Variants in PTPMT1 observed in about 807,000 individuals in gnomAD.
PTPMT1 encodes protein tyrosine phosphatase mitochondrial 1.
PTPMT1 carries 12 observed loss-of-function variants against 17.8 expected under a neutral mutation model. That is an observed-to-expected ratio of 0.67 (90% CI 0.43 to 1.09). The LOEUF (loss-of-function observed/expected upper bound fraction) is 1.09. PTPMT1 is among the 50% of genes least tolerant of loss of function. The pLI is 0.00. For synonymous variants in PTPMT1, 132 were observed against 116.8 expected (o/e 1.13, Z -0.84); for missense variants, 262 against 266.0 (o/e 0.99, Z 0.10).
Position 47,565,948 on chromosome 11 carries a change from G to A in PTPMT1, c.217G>A (p.Glu73Lys), listed in dbSNP as rs1483358313. 8.7e-6 allele frequency: 14 copies of A among 1,607,196 alleles called. No individual in the cohort carries two copies. The highest frequency in any genetic ancestry group is 4.0e-5 in the African/African-American group (3 of 74,536). ...CGTGCGCGGGGTGATCACCATGAACGAGGAGTACGAGACGAGGTTCCTGTG... is the reference window on the plus strand; with the variant it reads ...CGTGCGCGGGGTGATCACCATGAACAAGGAGTACGAGACGAGGTTCCTGTG... ...ENVRGVITMN[E>K]EYETRFLCNS... The change falls in exon 2 of 4, where the codon GAG (glutamate) becomes AAG (lysine). Residue 73 changes from glutamate (E) to lysine (K), a missense_variant. Transcript: ENST00000326674.
intron 2 of PTPMT1, among the ~76,000 whole-genome samples, chr11:47,568,212 GC>G (rs1203103813): frequency 6.6e-6 from 1 of 152,080 alleles, no homozygotes; most frequent in Non-Finnish European, 1.5e-5. Context: ...GAGCCACCAT[GC>G]CCGGCCCATT....
rs774754371 is a variant in PTPMT1, at chr11:47,569,753, T to G, written c.309T>G (p.Thr103=). The G allele has an allele frequency of 1.2e-6, 2 of 1,614,070 alleles. No individual in the cohort carries two copies. The highest frequency in any genetic ancestry group is 4.5e-5 in the East Asian group (2 of 44,872). The change falls in exon 3 of 4, where the codon ACT becomes ACG. Residue 103 remains threonine, a synonymous_variant. Coordinates refer to ENST00000326674, the MANE Select transcript of PTPMT1 (RefSeq NM_175732.3). ...TGCGGCTCAGCACAGTAGACATGAC[T>G]GGGATCCCCACCTTGGACAACCTCC... ...EQLRLSTVDM[T]GIPTLDNLQK... is the part of the protein sequence containing the mutation.
At chr11:47,570,466 A>T (rs1180522884) in intron 3 of PTPMT1, among the ~76,000 whole-genome samples, 1 of 152,234 alleles carries the variant, frequency 6.6e-6, no homozygotes, top group African/African-American at 2.4e-5. Flanking sequence ...AAGAAATTAC[A>T]TCAAGTGCTG....
intron 2 of PTPMT1, among the ~76,000 whole-genome samples, chr11:47,566,958 C>G (rs1471025356): frequency 1.3e-5 from 2 of 151,936 alleles, no homozygotes; most frequent in Admixed American, 1.3e-4. Context: ...ACAATCTGAG[C>G]TATTTGATTT....
rs1160773857 is a variant in PTPMT1 at position 47,565,944 on chromosome 11, G to A, written c.213G>A (p.Met71Ile). Residue 71 changes from methionine to isoleucine, a missense_variant, in exon 2 of 4, where the codon ATG becomes ATA. Physicochemically the swap from Met to Ile is conservative, Grantham distance 10. Transcript: ENST00000326674. ...QDENVRGVIT[M>I]NEEYETRFLC... ...AGAACGTGCGCGGGGTGATCACCAT[G>A]AACGAGGAGTACGAGACGAGGTTCC... is the stretch of plus-strand genomic sequence containing the variant. 1 of 1,608,666 alleles carries A rather than the reference G, an allele frequency of 6.2e-7. No homozygotes were observed. The highest frequency in any genetic ancestry group is 1.3e-5 in the African/African-American group (1 of 74,600).
At chr11:47,568,221 A>G (rs1206733424) in intron 2 of PTPMT1, among the ~76,000 whole-genome samples, 1 of 151,370 alleles carries the variant, frequency 6.6e-6, no homozygotes, top group African/African-American at 2.4e-5. Flanking sequence ...TGCCCGGCCC[A>G]TTGTTTTAAT....
chr11:47,569,996 C>T (rs2097248677), intron 3 of PTPMT1, 105 bp downstream of exon 3: 1 of 878,216 alleles, frequency 1.1e-6, no homozygotes, highest in Non-Finnish European at 1.8e-6. Flanking sequence ...AGTTTGAGAC[C>T]AGCCTGGGCA....
rs775118622 is a variant in PTPMT1, at chr11:47,572,880, T to C, written c.*1251T>C. 2 of 1,563,298 alleles carry C rather than the reference T, an allele frequency of 1.3e-6. No homozygotes were observed. Among genetic ancestry groups the C allele is most frequent in the East Asian group, 4.5e-5 (2 of 44,438 alleles). On this transcript the variant is annotated 3_prime_UTR_variant, in exon 4 of 4. Coordinates refer to ENST00000326674, the MANE Select transcript of PTPMT1 (RefSeq NM_175732.3). ...ATTGGGGCCCAGGGGACTTTGAGTT[T>C]GTATGGGGAGGGAAAAGGAGTGAGC...
chr11:47,566,376 G>A (rs946180058), intron 2 of PTPMT1, among the ~76,000 whole-genome samples: 2 of 151,894 alleles, frequency 1.3e-5, no homozygotes, highest in African/African-American at 4.8e-5. Flanking sequence ...CCAGCTACTT[G>A]GGAGGCTAAG....
In PTPMT1 at chr11:47,573,185, G is replaced by T; in HGVS notation, c.*1556G>T. 6.2e-7 allele frequency: 1 copy of T among 1,614,172 alleles called. No homozygotes were observed. The highest frequency in any genetic ancestry group is 8.5e-7 in the Non-Finnish European group (1 of 1,180,024). On this transcript the variant is annotated 3_prime_UTR_variant, in exon 4 of 4. Transcript: ENST00000326674. This position sits in a 1 kb window ranked among gnomAD's most constrained non-coding sequence, Gnocchi z 4.1. ...ACACCAGGGAGTCCCCTTCAGCCAC[G>T]ATGAACACCAGATCTTTATGCACAG...
At chr11:47,568,635 T>C (rs935733230) in intron 2 of PTPMT1, among the ~76,000 whole-genome samples, 2 of 152,102 alleles carry the variant, frequency 1.3e-5, no homozygotes, top group Non-Finnish European at 2.9e-5. Context: ...GGAGCCATGA[T>C]TGCATACCAC....
intron 2 of PTPMT1, among the ~76,000 whole-genome samples, chr11:47,568,034 C>G (rs1286323559): frequency 1.3e-5 from 2 of 152,146 alleles, no homozygotes; most frequent in African/African-American, 4.8e-5. Context: ...ATTCTCCTGC[C>G]TCAGCCTCCC....
At chr11:47,568,626 G>A (rs1428811114) in intron 2 of PTPMT1, among the ~76,000 whole-genome samples, 1 of 152,142 alleles carries the variant, frequency 6.6e-6, no homozygotes, top group Non-Finnish European at 1.5e-5. Context: ...AGGCTGCAAG[G>A]AGCCATGATT....
At position 47,573,200 on chromosome 11, in the gene PTPMT1, T is replaced by G. The variant is rs1317986385; in HGVS notation, c.*1571T>G. ...CTTCAGCCACGATGAACACCAGATC[T>G]TTATGCACAGCTGCGTGCATGCGGC... On this transcript the variant is annotated 3_prime_UTR_variant, in exon 4 of 4. Transcript: ENST00000326674. The surrounding 1 kb of genome is among the most constrained non-coding windows in gnomAD (Gnocchi z 4.1). 1 of 1,614,054 alleles carries G rather than the reference T, an allele frequency of 6.2e-7. No homozygotes were observed. Among genetic ancestry groups the G allele is most frequent in the Non-Finnish European group, 8.5e-7 (1 of 1,180,034 alleles).
Position 47,573,242 on chromosome 11 carries a change from A to G in PTPMT1, c.*1613A>G, listed in dbSNP as rs1316821274. On this transcript the variant is annotated 3_prime_UTR_variant, in exon 4 of 4. Transcript: ENST00000326674. This position sits in a 1 kb window ranked among gnomAD's most constrained non-coding sequence, Gnocchi z 4.1. ...GCATGCGGCCTGCAAAGGGCAGCAC[A>G]TAGGGCTTCACATGGCATTTGTCTG... The G allele has an allele frequency of 1.2e-6, 2 of 1,614,060 alleles. No homozygotes were observed. Among genetic ancestry groups the G allele is most frequent in the East Asian group, 2.2e-5 (1 of 44,894 alleles).
Position 47,571,941 on chromosome 11 carries a change from TATTTAGCACCACAACTCAAAAAAC to T in PTPMT1, c.*322_*345del, listed in dbSNP as rs1262718240. 4 of 184,824 alleles carry T rather than the reference TATTTAGCACCACAACTCAAAAAAC, an allele frequency of 2.2e-5. No homozygotes were observed. The highest frequency in any genetic ancestry group is 3.3e-5 in the Non-Finnish European group (3 of 89,712). 11.4% of individuals were successfully genotyped at this position (184,824 alleles called of 1,614,324 possible). A position where few individuals can be genotyped will look rare whatever the true frequency, so the allele number is the denominator to read the frequency against. On this transcript the variant is annotated 3_prime_UTR_variant, in exon 4 of 4. Transcript: ENST00000326674. ...ATGTACCTAATATTGTGCCTAATAATATTTAGCACCACAACTCAAAAAACATTTAGCACTTGAAAAAAGGAGACT... is the reference window on the plus strand; with the variant it reads ...ATGTACCTAATATTGTGCCTAATAATATTTAGCACTTGAAAAAAGGAGACT...
chr11:47,572,973 C>A lies in PTPMT1; in HGVS notation c.*1344C>A. ...CAAATTGGTAAGCAGCACCTTAATACCTCTTGTGACAGTTACGGCTGAAGT... is the reference window on the plus strand; with the variant it reads ...CAAATTGGTAAGCAGCACCTTAATAACTCTTGTGACAGTTACGGCTGAAGT... On this transcript the variant is annotated 3_prime_UTR_variant, in exon 4 of 4. Transcript: ENST00000326674. 1 of 1,614,202 alleles carries A rather than the reference C, an allele frequency of 6.2e-7. No individual in the cohort carries two copies. Among genetic ancestry groups the A allele is most frequent in the African/African-American group, 1.3e-5 (1 of 75,050 alleles).
At chr11:47,569,241 C>T (rs1022755367) in intron 2 of PTPMT1, among the ~76,000 whole-genome samples, 2 of 151,756 alleles carry the variant, frequency 1.3e-5, no homozygotes, top group Non-Finnish European at 2.9e-5. Flanking sequence ...CAAAAATTAG[C>T]CAGGCTTGGT....
intron 3 of PTPMT1, among the ~76,000 whole-genome samples, chr11:47,570,287 T>A (rs2097248852): frequency 6.6e-6 from 1 of 151,860 alleles, no homozygotes; most frequent in Non-Finnish European, 1.5e-5. Context: ...TGGAAGGAGC[T>A]GTGTGCTTGA....
Sources: allele counts gnomAD v4.1 joint callset (sites outside exome capture counted in the v4.1 genomes callset), GRCh38; gene constraint gnomAD v4.1.1; non-coding constraint Gnocchi (gnomAD v3.1); transcripts MANE v1.5; gene names NCBI Gene and HGNC (gene_info 2026-07-23, HGNC 2026-07-21).